Variants in ADAMTS20 observed in about 807,000 individuals in gnomAD.
The protein encoded by ADAMTS20 is ADAM metallopeptidase with thrombospondin type 1 motif 20, also known as A disintegrin and metalloproteinase with thrombospondin motifs 20.
In ADAMTS20, 225 loss-of-function variants were observed where a neutral mutation model predicts 260.1. The observed-to-expected ratio is 0.87, with a 90% CI of 0.78 to 0.97. The LOEUF (loss-of-function observed/expected upper bound fraction) is 0.97, where lower values mean the gene tolerates loss of function less well. ADAMTS20 is among the 50% of genes least tolerant of loss of function. ADAMTS20 has a pLI of 0.00. For missense variants in ADAMTS20, 2,400 were observed against 2,337.7 expected, an observed-to-expected ratio of 1.03 and a Z score of -0.55; for synonymous variants, 802 against 769.5, an observed-to-expected ratio of 1.04 and a Z score of -0.70.
chr12:43,429,758 T>C (rs143606795), intron 23 of ADAMTS20, 34 bp from the exon 24 acceptor site: 23,184 of 1,342,596 alleles, frequency 0.017, 279 homozygotes, highest in South Asian at 0.031. Flanking sequence ...CGTAAAACAT[T>C]AATTAATGAC....
At chr12:43,504,989 T>C (rs1942821334) in intron 3 of ADAMTS20, among the ~76,000 whole-genome samples, 2 of 152,144 alleles carry the variant, frequency 1.3e-5, no homozygotes, top group Admixed American at 6.5e-5. Flanking sequence ...AGAAGGAAAA[T>C]ATACATTCAC....
In ADAMTS20 at chr12:43,383,727, C is replaced by A. The variant is rs1301915172; in HGVS notation, c.4628G>T (p.Cys1543Phe). ...HKGMERGRLN[C>F]STSCERKDSH... is the part of the protein sequence containing the mutation. ...ATCTTTTCTCTCACATGATGTTGAA[C>A]ACTAGAAATGCAATAACCAAATGAA... The change falls in exon 31 of 39, where the codon TGT (cysteine) becomes TTT (phenylalanine). Residue 1543 changes from cysteine (C) to phenylalanine (F), a missense_variant and splice_region_variant. Physicochemically the swap from Cys to Phe is radical, Grantham distance 205 (BLOSUM62 -2). Transcript: ENST00000389420. 1.2e-6 allele frequency: 2 copies of A among 1,613,730 alleles called. No individual in the cohort carries two copies. Among genetic ancestry groups the A allele is most frequent in the East Asian group, 4.5e-5 (2 of 44,886 alleles).
At chr12:43,394,681 C>A (rs1940663411) in intron 29 of ADAMTS20, among the ~76,000 whole-genome samples, 1 of 151,970 alleles carries the variant, frequency 6.6e-6, no homozygotes, top group South Asian at 2.1e-4. Context: ...TCCTTCTTGG[C>A]CAAAGGGGCA....
chr12:43,367,765 A>G (rs1017019352), intron 37 of ADAMTS20, among the ~76,000 whole-genome samples: 7 of 152,128 alleles, frequency 4.6e-5, no homozygotes, highest in Non-Finnish European at 1.0e-4. Flanking sequence ...CACAGATGAC[A>G]TCACTGTGTA....
chr12:43,354,099 A>G lies in ADAMTS20; in HGVS notation c.*110T>C, dbSNP rs563643059. ...AGCACCCTGAAAAAAAGGCAGAGAC[A>G]TATTGGACATGGAAATCTCGGGAAG... On this transcript the variant is annotated 3_prime_UTR_variant, in exon 39 of 39. Transcript: ENST00000389420. 6.5e-6 allele frequency: 5 copies of G among 771,958 alleles called. No individual in the cohort carries two copies. The African/African-American group carries it at 8.8e-5, about 14-fold the overall frequency. The allele number at this position is 771,958 out of a possible 1,614,324, so 47.8% of individuals were successfully genotyped here.
chr12:43,495,615 TTTA>T (rs1942667094), intron 4 of ADAMTS20, among the ~76,000 whole-genome samples: 1 of 152,208 alleles, frequency 6.6e-6, no homozygotes, highest in African/African-American at 2.4e-5. Flanking sequence ...GCATGATTGC[TTTA>T]TTATCTCTTT....
At chr12:43,465,064 CT>C (rs1434589759) in intron 9 of ADAMTS20, among the ~76,000 whole-genome samples, 41 of 152,114 alleles carry the variant, frequency 2.7e-4, no homozygotes, top group African/African-American at 9.9e-4. Flanking sequence ...TTTTGGTCTA[CT>C]TTGCTATCCA....
chr12:43,423,727 C>T, intron 28 of ADAMTS20: 2 of 702,084 alleles, frequency 2.8e-6, no homozygotes, highest in South Asian at 3.0e-5. Context: ...TCAAATCTCC[C>T]CAAGTAAACT....
At chr12:43,360,653 C>T (rs1157203481) in intron 37 of ADAMTS20, among the ~76,000 whole-genome samples, 1 of 151,964 alleles carries the variant, frequency 6.6e-6, no homozygotes, top group East Asian at 1.9e-4. Flanking sequence ...TAGAGAACAA[C>T]TTTTATGAAG....
intron 28 of ADAMTS20, chr12:43,423,644 G>A (rs1287574466): frequency 1.5e-6 from 1 of 683,044 alleles, no homozygotes; most frequent in East Asian, 2.7e-5. Context: ...CAGAGACACA[G>A]TAAGCAGAAA....
intron 18 of ADAMTS20, among the ~76,000 whole-genome samples, chr12:43,435,349 A>T (rs1186287032): frequency 6.6e-6 from 1 of 152,162 alleles, no homozygotes; most frequent in East Asian, 1.9e-4. Flanking sequence ...TCTCTAAAAA[A>T]TAAAGTCTAG....
At chr12:43,436,666 T>G (rs1941561701) in intron 18 of ADAMTS20, among the ~76,000 whole-genome samples, 3 of 152,124 alleles carry the variant, frequency 2.0e-5, no homozygotes, top group South Asian at 2.1e-4. Flanking sequence ...AAAGTGAACT[T>G]GAGAGCATAA....
chr12:43,534,638 T>TATAA (rs1943269112), intron 2 of ADAMTS20, among the ~76,000 whole-genome samples: 1 of 152,128 alleles, frequency 6.6e-6, no homozygotes, highest in Non-Finnish European at 1.5e-5. Flanking sequence ...CCCTTGAGGT[T>TATAA]ATAAACAAAC....
At chr12:43,527,728 A>G (rs553054437) in intron 3 of ADAMTS20, among the ~76,000 whole-genome samples, 16 of 152,308 alleles carry the variant, frequency 1.1e-4, no homozygotes, top group African/African-American at 3.8e-4. Flanking sequence ...TACAGCAAAC[A>G]TCACACTGAA....
intron 3 of ADAMTS20, among the ~76,000 whole-genome samples, chr12:43,523,337 C>T (rs778790066): frequency 6.6e-6 from 1 of 152,192 alleles, no homozygotes; most frequent in Non-Finnish European, 1.5e-5. Context: ...TTTTGTCTCA[C>T]AGGGGACCTC....
chr12:43,434,173 G>T, intron 19 of ADAMTS20, 72 bp downstream of exon 19: 1 of 1,441,820 alleles, frequency 6.9e-7, no homozygotes, highest in Non-Finnish European at 9.4e-7. Flanking sequence ...TGCTGTGTCA[G>T]TCACTGTGTT....
intron 7 of ADAMTS20, among the ~76,000 whole-genome samples, chr12:43,474,418 G>A (rs1942316484): frequency 1.3e-5 from 2 of 150,846 alleles, no homozygotes; most frequent in South Asian, 4.2e-4. Flanking sequence ...GTACAAGGAG[G>A]AACTGGTACC....
chr12:43,441,247 T>G (rs1941661214), intron 16 of ADAMTS20, among the ~76,000 whole-genome samples: 1 of 152,022 alleles, frequency 6.6e-6, no homozygotes, highest in Non-Finnish European at 1.5e-5. Context: ...TCATGTCCCC[T>G]TCTTGTTCTC....
At chr12:43,364,819 T>A (rs899166784) in intron 37 of ADAMTS20, among the ~76,000 whole-genome samples, 1 of 152,108 alleles carries the variant, frequency 6.6e-6, no homozygotes, top group Admixed American at 6.6e-5. Flanking sequence ...AAATAATGAC[T>A]GAAAATTTTC....
Sources: allele counts gnomAD v4.1 joint callset (sites outside exome capture counted in the v4.1 genomes callset), GRCh38; gene constraint gnomAD v4.1.1; transcripts MANE v1.5; gene names NCBI Gene and HGNC (gene_info 2026-07-23, HGNC 2026-07-21).